The following ZC3H3 variants were observed in gnomAD, a reference collection of about 807,000 sequenced individuals.
The protein encoded by ZC3H3 is zinc finger CCCH-type containing 3, also known as zinc finger CCCH domain-containing protein 3.
A neutral mutation model predicts 77.3 loss-of-function variants in ZC3H3; 36 were observed. The observed-to-expected ratio is 0.47, with a 90% CI of 0.36 to 0.61. The LOEUF is 0.61. ZC3H3 is among the 20% of genes least tolerant of loss of function. The pLI is 0.00. For synonymous variants in ZC3H3, 626 were observed against 555.2 expected, an observed-to-expected ratio of 1.13 and a Z score of -1.79; for missense variants, 1,331 against 1,312.2, an observed-to-expected ratio of 1.01 and a Z score of -0.22.
At chr8:143,515,516 G>C (rs1316213144) in intron 3 of ZC3H3, among the ~76,000 whole-genome samples, 2 of 152,264 alleles carry the variant, frequency 1.3e-5, no homozygotes, top group Non-Finnish European at 2.9e-5. Context: ...CTCTCCCCAC[G>C]AACGGGCCTC....
In ZC3H3 at chr8:143,514,449, A is replaced by C. The variant is rs532905140; in HGVS notation, c.1562-6550T>G. ...CAGCGTCCACTCGGTGTTACCACAC[A>C]GCAAACATGATCCTGCCAGGACACA... On this transcript the variant is annotated intron_variant, in intron 3 of 11. Coordinates refer to ENST00000262577, the MANE Select transcript of ZC3H3 (RefSeq NM_015117.3). 6.8e-4 allele frequency among the ~76,000 whole-genome samples: 103 copies of C among 152,334 alleles called. 1 individual carries two copies. The highest frequency in any genetic ancestry group is 2.4e-3 in the African/African-American group (101 of 41,574).
intron 4 of ZC3H3, among the ~76,000 whole-genome samples, chr8:143,485,969 A>G (rs572888764): frequency 4.8e-4 from 73 of 152,358 alleles, no homozygotes; most frequent in African/African-American, 1.7e-3. Flanking sequence ...GCCAGCCACA[A>G]TGCTCACATG....
At chr8:143,519,653 A>G (rs1040757656) in intron 3 of ZC3H3, among the ~76,000 whole-genome samples, 1 of 152,130 alleles carries the variant, frequency 6.6e-6, no homozygotes, top group African/African-American at 2.4e-5. Flanking sequence ...GTGCGTGCAC[A>G]TGCGCCACAG....
At chr8:143,489,403 C>T (rs913395376) in intron 4 of ZC3H3, among the ~76,000 whole-genome samples, 2 of 152,184 alleles carry the variant, frequency 1.3e-5, no homozygotes, top group East Asian at 1.9e-4. Context: ...GGAGCTGGGG[C>T]CCCTCAGCCA....
intron 9 of ZC3H3, among the ~76,000 whole-genome samples, chr8:143,451,888 C>T (rs970391742): frequency 1.3e-5 from 2 of 152,206 alleles, no homozygotes; most frequent in African/African-American, 4.8e-5. Context: ...CTGTACTTCC[C>T]GCTAAGTGCC....
rs904272161 is a variant in ZC3H3 at position 143,473,451 on chromosome 8, G to A, written c.1903+1947C>T. On this transcript the variant is annotated intron_variant, in intron 5 of 11. Transcript: ENST00000262577. Reference sequence around the variant, plus strand: ...AGCCCACGCCTCTCCCTGCACTAGGGACGTCAGAGGCAGCATCCATGGGAG... The same window carrying A: ...AGCCCACGCCTCTCCCTGCACTAGGAACGTCAGAGGCAGCATCCATGGGAG... 2.6e-5 allele frequency among the ~76,000 whole-genome samples: 4 copies of A among 152,202 alleles called. No individual in the cohort carries two copies. In the East Asian group the frequency reaches 5.8e-4, roughly 22 times the overall value.
At chr8:143,470,154 C>T (rs1472325201) in intron 5 of ZC3H3, among the ~76,000 whole-genome samples, 6 of 152,196 alleles carry the variant, frequency 3.9e-5, no homozygotes, top group Non-Finnish European at 8.8e-5. Flanking sequence ...TTGTGCTTTG[C>T]GTCCAGCCCA....
intron 4 of ZC3H3, 48 bp downstream of exon 4, chr8:143,507,698 G>C: frequency 6.7e-7 from 1 of 1,489,794 alleles, no homozygotes; most frequent in Non-Finnish European, 8.9e-7. Flanking sequence ...GGCAGGGCCA[G>C]ACAGCCCAGT....
intron 3 of ZC3H3, among the ~76,000 whole-genome samples, chr8:143,528,871 A>G (rs1822506219): frequency 6.6e-6 from 1 of 152,244 alleles, no homozygotes; most frequent in African/African-American, 2.4e-5. Flanking sequence ...GAGCTGCCGC[A>G]GCCTGAGGCT....
intron 4 of ZC3H3, among the ~76,000 whole-genome samples, chr8:143,506,032 T>C (rs1042745345): frequency 1.2e-4 from 18 of 152,234 alleles, no homozygotes; most frequent in African/African-American, 4.1e-4. Context: ...CAGGAGGCCC[T>C]GGGCGCTGGG....
chr8:143,532,582 C>T (rs921609628), intron 3 of ZC3H3, among the ~76,000 whole-genome samples: 5 of 152,268 alleles, frequency 3.3e-5, no homozygotes, highest in African/African-American at 7.2e-5. Flanking sequence ...ACACCCCAGC[C>T]GATGGAGGCC....
At position 143,526,112 on chromosome 8, in the gene ZC3H3, G is replaced by C. The variant is rs35418690; in HGVS notation, c.1561+10145C>G. ...CGCTAGGATGCAGGCTGCTGCCCCA[G>C]TGGGGCCACAGAGGGCACTGACTTC... is the stretch of plus-strand genomic sequence containing the variant. On this transcript the variant is annotated intron_variant, in intron 3 of 11. Transcript: ENST00000262577. Among the ~76,000 whole-genome samples the C allele has an allele frequency of 8.4e-3, 1,281 of 152,374 alleles. 10 individuals carry two copies. Among genetic ancestry groups the C allele is most frequent in the African/African-American group, 0.029 (1,213 of 41,588 alleles).
chr8:143,484,662 G>A (rs1170512570), intron 4 of ZC3H3: 4 of 179,320 alleles, frequency 2.2e-5, no homozygotes, highest in South Asian at 8.9e-5. Flanking sequence ...TGTCCTTGGC[G>A]GGCCCGCGAC....
rs911968338 is a variant in ZC3H3 at position 143,511,102 on chromosome 8, C to T, written c.1562-3203G>A. ...CCCATCCATCAGCAGGGTTTGAGCTCTTGCACACGGCACCATGCCCTCAGG... is the reference window on the plus strand; with the variant it reads ...CCCATCCATCAGCAGGGTTTGAGCTTTTGCACACGGCACCATGCCCTCAGG... On this transcript the variant is annotated intron_variant, in intron 3 of 11. Coordinates refer to ENST00000262577, the MANE Select transcript of ZC3H3 (RefSeq NM_015117.3). Among the ~76,000 whole-genome samples the T allele has an allele frequency of 7.9e-5, 12 of 152,282 alleles. 1 individual carries two copies. The highest frequency in any genetic ancestry group is 1.3e-4 in the Admixed American group (2 of 15,290).
At position 143,538,530 on chromosome 8, in the gene ZC3H3, C is replaced by A. The variant is rs752104066; in HGVS notation, c.837G>T (p.Val279=). ...HTDQPVPSGS[V]GGPARPASGP... is the part of the protein sequence containing the mutation. ...CTGAGGCCGGTCTGGCGGGGCCCCC[C>A]ACTGAGCCAGACGGAACTGGCTGAT... is the stretch of plus-strand genomic sequence containing the variant. The change falls in exon 2 of 12, where the codon GTG becomes GTT. Residue 279 remains valine, a synonymous_variant. Transcript: ENST00000262577. The A allele has an allele frequency of 6.2e-7, 1 of 1,612,068 alleles. No homozygotes were observed. Among genetic ancestry groups the A allele is most frequent in the Non-Finnish European group, 8.5e-7 (1 of 1,180,018 alleles).
rs1169579926 is a variant in ZC3H3 at position 143,538,428 on chromosome 8, C to A, written c.939G>T (p.Trp313Cys). Residue 313 changes from tryptophan to cysteine, a missense_variant, in exon 2 of 12, where the codon TGG (tryptophan) becomes TGT (cysteine). Trp to Cys is a radical substitution (Grantham distance 215). Transcript: ENST00000262577. Reference protein sequence around the residue: ...TNKFRKNNYKWVAASSKSPRV... With the variant: ...TNKFRKNNYKCVAASSKSPRV... ...GGGGACTCTTCGAGGAGGCAGCCAC[C>A]CATTTGTAGTTGTTTTTCCGGAACT... The A allele has an allele frequency of 6.2e-7, 1 of 1,613,204 alleles. No individual in the cohort carries two copies. Among genetic ancestry groups the A allele is most frequent in the African/African-American group, 1.3e-5 (1 of 75,066 alleles).
intron 4 of ZC3H3, among the ~76,000 whole-genome samples, chr8:143,499,857 C>T (rs1821471850): frequency 6.6e-6 from 1 of 152,188 alleles, no homozygotes; most frequent in Non-Finnish European, 1.5e-5. Flanking sequence ...GCAGTAAACA[C>T]CCTGGAAACG....
intron 10 of ZC3H3, 69 bp downstream of exon 10, chr8:143,440,867 C>T: frequency 7.5e-7 from 1 of 1,329,860 alleles, no homozygotes; most frequent in Non-Finnish European, 9.6e-7. Flanking sequence ...ACCAGAGGGC[C>T]CCGGGCATCT....
Position 143,538,264 on chromosome 8 carries a change from G to A in ZC3H3, c.1103C>T (p.Ser368Phe). ...EPKPRKPATS[S>F]KPGSAPSKYK... is the part of the protein sequence containing the mutation. ...CTTGCTGGGGGCAGACCCTGGCTTG[G>A]AGGACGTGGCTGGCTTCCTGGGCTT... The change falls in exon 2 of 12, where the codon TCC becomes TTC. Residue 368 changes from serine (S) to phenylalanine (F), a missense_variant. Transcript: ENST00000262577. 1 of 1,613,044 alleles carries A rather than the reference G, an allele frequency of 6.2e-7. No homozygotes were observed. Among genetic ancestry groups the A allele is most frequent in the Non-Finnish European group, 8.5e-7 (1 of 1,180,034 alleles).
Sources: gnomAD v4.1 joint callset for allele counts (sites outside exome capture counted in the v4.1 genomes callset) on GRCh38, gnomAD v4.1.1 for gene constraint, MANE v1.5 for transcripts, NCBI Gene and HGNC (gene_info 2026-07-23, HGNC 2026-07-21) for gene names.